The following PDE4D variants were observed in gnomAD, a reference collection of about 807,000 sequenced individuals.
PDE4D encodes the protein phosphodiesterase 4D.
Under a neutral mutation model 87.4 loss-of-function variants are expected in PDE4D, and 24 were observed. That is an observed-to-expected ratio of 0.27 (90% CI 0.20 to 0.39). The LOEUF is 0.39. PDE4D is among the 10% of genes least tolerant of loss of function. The pLI is 1.00. For missense variants in PDE4D, 714 were observed against 1,041.0 expected (o/e 0.69, Z 4.32); for synonymous variants, 384 against 383.2 (o/e 1.00, Z -0.02).
chr5:60,476,517 T>C (rs1333228845), intron 1 of PDE4D, among the ~76,000 whole-genome samples: 1 of 152,180 alleles, frequency 6.6e-6, no homozygotes, highest in Non-Finnish European at 1.5e-5. Flanking sequence ...GTCTCTCCCC[T>C]GCCCCAAATC....
intron 1 of PDE4D, among the ~76,000 whole-genome samples, chr5:59,715,340 G>T (rs370281938): frequency 6.6e-6 from 1 of 152,174 alleles, no homozygotes. Flanking sequence ...AAGGACATGG[G>T]GCCTGAAGCA....
intron 1 of PDE4D, among the ~76,000 whole-genome samples, chr5:60,457,915 C>T (rs372477018): frequency 3.3e-5 from 5 of 152,104 alleles, no homozygotes; most frequent in East Asian, 3.9e-4. Flanking sequence ...GAACAAGATC[C>T]GATTGATTTG....
intron 1 of PDE4D, among the ~76,000 whole-genome samples, chr5:59,359,437 A>G (rs932287138): frequency 1.3e-5 from 2 of 152,176 alleles, no homozygotes; most frequent in Non-Finnish European, 2.9e-5. Flanking sequence ...ACAGTTACAC[A>G]TAATCCTTCT....
intron 1 of PDE4D, among the ~76,000 whole-genome samples, chr5:59,696,780 A>C (rs1178045970): frequency 1.3e-5 from 2 of 152,184 alleles, no homozygotes; most frequent in Non-Finnish European, 1.5e-5. Flanking sequence ...TATTTTTTTA[A>C]GTTCCTTGAC....
intron 3 of PDE4D, among the ~76,000 whole-genome samples, chr5:59,907,201 C>T (rs1445606249): frequency 1.3e-5 from 2 of 152,228 alleles, no homozygotes; most frequent in Non-Finnish European, 1.5e-5. Context: ...TTTTTAATCA[C>T]AGCCATTCTG....
At chr5:59,205,192 T>C (rs974571310) in intron 2 of PDE4D, among the ~76,000 whole-genome samples, 3 of 143,208 alleles carry the variant, frequency 2.1e-5, no homozygotes, top group Admixed American at 6.9e-5. Context: ...ACATGGACCA[T>C]GCAGTGAGAT....
At chr5:60,105,276 A>C (rs965620536) in intron 2 of PDE4D, among the ~76,000 whole-genome samples, 9 of 152,220 alleles carry the variant, frequency 5.9e-5, no homozygotes, top group African/African-American at 2.2e-4. Flanking sequence ...TGGAAGATGA[A>C]ATGAATGAAA....
chr5:59,922,950 C>A (rs1052966727), intron 3 of PDE4D, among the ~76,000 whole-genome samples: 1 of 152,104 alleles, frequency 6.6e-6, no homozygotes, highest in African/African-American at 2.4e-5. Context: ...CAGTTATGAA[C>A]CTGCCCTCAG....
intron 1 of PDE4D, among the ~76,000 whole-genome samples, chr5:59,728,580 T>C (rs1317918827): frequency 1.3e-5 from 2 of 152,136 alleles, no homozygotes; most frequent in Non-Finnish European, 2.9e-5. Flanking sequence ...TGTTACTGTG[T>C]AGCTGTACTC....
At chr5:60,110,375 CT>C (rs1047426268) in intron 2 of PDE4D, among the ~76,000 whole-genome samples, 39 of 152,000 alleles carry the variant, frequency 2.6e-4, no homozygotes, top group Admixed American at 2.2e-3. Flanking sequence ...TGAATAGACA[CT>C]TTTCAAAAGA....
At chr5:60,102,506 C>T (rs866590727) in intron 2 of PDE4D, among the ~76,000 whole-genome samples, 21 of 152,214 alleles carry the variant, frequency 1.4e-4, no homozygotes, top group Middle Eastern at 3.4e-3. Context: ...CTTTTACAAA[C>T]AGTGCTCTAA....
At chr5:59,723,160 G>C (rs577237221) in intron 1 of PDE4D, among the ~76,000 whole-genome samples, 38 of 152,074 alleles carry the variant, frequency 2.5e-4, no homozygotes, top group African/African-American at 9.2e-4. Context: ...AAGAGAATCT[G>C]CATATACCTT....
At chr5:59,845,368 T>A (rs1250957041) in intron 1 of PDE4D, among the ~76,000 whole-genome samples, 3 of 152,088 alleles carry the variant, frequency 2.0e-5, no homozygotes, top group Non-Finnish European at 4.4e-5. Flanking sequence ...TGGCGCCACC[T>A]ATATATTGTC....
chr5:59,014,283 A>G (rs1443082979), intron 6 of PDE4D, among the ~76,000 whole-genome samples: 3 of 152,120 alleles, frequency 2.0e-5, no homozygotes, highest in Admixed American at 2.0e-4. Flanking sequence ...CATAGTGTTG[A>G]AAGTTCTGGC....
At chr5:59,516,522 A>C (rs1221415770) in intron 1 of PDE4D, among the ~76,000 whole-genome samples, 1 of 152,236 alleles carries the variant, frequency 6.6e-6, no homozygotes, top group Non-Finnish European at 1.5e-5. Context: ...CGCTGCCAAG[A>C]AAAAGCTACT....
intron 1 of PDE4D, among the ~76,000 whole-genome samples, chr5:60,359,221 A>G (rs1759862107): frequency 6.6e-6 from 1 of 152,188 alleles, no homozygotes; most frequent in African/African-American, 2.4e-5. Context: ...AGCCTGGGCA[A>G]CATGACAAAA....
intron 1 of PDE4D, among the ~76,000 whole-genome samples, chr5:59,615,643 T>C (rs753655197): frequency 3.3e-5 from 5 of 152,190 alleles, no homozygotes; most frequent in Admixed American, 1.3e-4. Context: ...TCTTCTTCAA[T>C]TGTGAGGAAG....
chr5:59,996,032 G>C (rs938001741), intron 2 of PDE4D, among the ~76,000 whole-genome samples: 6 of 152,148 alleles, frequency 3.9e-5, no homozygotes, highest in African/African-American at 1.4e-4. Context: ...ACACATAATA[G>C]GGAATTTCTA....
At position 59,114,680 on chromosome 5, in the gene PDE4D, A is replaced by C. The variant is rs569847861; in HGVS notation, c.808+65915T>G. ...GTCAAAGGAAGGGTGGGGGGAAAGGAAAAGAAAGAGTGTACGACCTCATGC... is the reference window on the plus strand; with the variant it reads ...GTCAAAGGAAGGGTGGGGGGAAAGGCAAAGAAAGAGTGTACGACCTCATGC... On this transcript the variant is annotated intron_variant, in intron 5 of 14. Transcript: ENST00000340635. Among the ~76,000 whole-genome samples the C allele has an allele frequency of 8.5e-4, 130 of 152,272 alleles. 3 individuals are homozygous for C.
Sources: gnomAD v4.1 joint callset for allele counts (sites outside exome capture counted in the v4.1 genomes callset) on GRCh38, gnomAD v4.1.1 for gene constraint, MANE v1.5 for transcripts, NCBI Gene and HGNC (gene_info 2026-07-23, HGNC 2026-07-21) for gene names.